The following POU6F2 variants were observed in gnomAD, a reference collection of about 807,000 sequenced individuals.
The protein encoded by POU6F2 is POU class 6 homeobox 2.
In POU6F2, 31 loss-of-function variants were observed where a neutral mutation model predicts 71.3. The observed-to-expected ratio is 0.43, with a 90% CI of 0.33 to 0.59. POU6F2 has a LOEUF of 0.59. POU6F2 is among the 20% of genes least tolerant of loss of function. The pLI is 0.04. For missense variants in POU6F2, 783 were observed against 856.8 expected, an observed-to-expected ratio of 0.91 and a Z score of 1.07; for synonymous variants, 347 against 355.7, an observed-to-expected ratio of 0.98 and a Z score of 0.27.
intron 2 of POU6F2, among the ~76,000 whole-genome samples, chr7:39,182,244 T>C (rs1017333924): frequency 6.6e-6 from 1 of 152,258 alleles, no homozygotes; most frequent in Admixed American, 6.5e-5. Flanking sequence ...CACTTCATTC[T>C]ATTATATATT....
At chr7:38,993,235 C>CTA (rs1788649047) in intron 1 of POU6F2, among the ~76,000 whole-genome samples, 2 of 151,566 alleles carry the variant, frequency 1.3e-5, no homozygotes, top group Non-Finnish European at 2.9e-5. Flanking sequence ...ACATATATTC[C>CTA]TATATATATT....
intron 4 of POU6F2, among the ~76,000 whole-genome samples, chr7:39,282,069 G>C (rs1172813130): frequency 6.6e-6 from 1 of 151,958 alleles, no homozygotes; most frequent in East Asian, 1.9e-4. Flanking sequence ...TTCATATACA[G>C]GTTGGCCATT....
chr7:39,379,127 G>A (rs1258587395), intron 5 of POU6F2, among the ~76,000 whole-genome samples: 1 of 152,166 alleles, frequency 6.6e-6, no homozygotes, highest in Non-Finnish European at 1.5e-5. Context: ...GAATCGGGTA[G>A]GAGGGCTCTG....
intron 2 of POU6F2, among the ~76,000 whole-genome samples, chr7:39,123,789 T>A (rs1410547340): frequency 2.0e-5 from 3 of 152,072 alleles, no homozygotes; most frequent in Non-Finnish European, 4.4e-5. Flanking sequence ...TTTTTTTTTT[T>A]ATTCTTTATT....
intron 6 of POU6F2, among the ~76,000 whole-genome samples, chr7:39,423,637 A>T (rs1466543286): frequency 6.6e-6 from 1 of 152,256 alleles, no homozygotes; most frequent in East Asian, 1.9e-4. Context: ...GTAATTATTA[A>T]TATTTGTACA....
At chr7:39,096,202 A>C (rs1791452047) in intron 2 of POU6F2, among the ~76,000 whole-genome samples, 1 of 152,160 alleles carries the variant, frequency 6.6e-6, no homozygotes, top group African/African-American at 2.4e-5. Flanking sequence ...ATGAGCTCTC[A>C]AAACCCATAA....
chr7:39,254,365 T>G (rs1425751792), intron 4 of POU6F2, among the ~76,000 whole-genome samples: 1 of 152,162 alleles, frequency 6.6e-6, no homozygotes, highest in African/African-American at 2.4e-5. Flanking sequence ...GAGTCAAGGT[T>G]TGTAGAATGG....
chr7:39,223,145 CATT>C (rs1794402200), intron 4 of POU6F2, among the ~76,000 whole-genome samples: 1 of 152,088 alleles, frequency 6.6e-6, no homozygotes, highest in African/African-American at 2.4e-5. Context: ...AGTGATATCT[CATT>C]ATGGTTGAAG....
chr7:39,418,746 A>G (rs892683512), intron 6 of POU6F2, among the ~76,000 whole-genome samples: 3 of 151,086 alleles, frequency 2.0e-5, no homozygotes, highest in African/African-American at 7.3e-5. Flanking sequence ...GCCATACAGT[A>G]AATGATAGAG....
intron 6 of POU6F2, among the ~76,000 whole-genome samples, chr7:39,415,624 A>G (rs1250982866): frequency 6.6e-6 from 1 of 152,220 alleles, no homozygotes; most frequent in African/African-American, 2.4e-5. Context: ...ACGAATGTTC[A>G]CATGACTTCT....
At chr7:39,243,765 T>G (rs958241010) in intron 4 of POU6F2, among the ~76,000 whole-genome samples, 11 of 152,018 alleles carry the variant, frequency 7.2e-5, no homozygotes, top group African/African-American at 2.4e-4. Flanking sequence ...AGGATAGTAC[T>G]CTAATCCCCA....
At position 39,437,458 on chromosome 7, in the gene POU6F2, A is replaced by G. The variant is rs549757515; in HGVS notation, c.1320+4175A>G. On this transcript the variant is annotated intron_variant, in intron 7 of 9. Coordinates refer to ENST00000518318, the MANE Select transcript of POU6F2 (RefSeq NM_001370959.1). ...TGGTAGTTTGTATTTCTGTGAGATC[A>G]GTGGTGATATCCCCTTTATCACTTT... Among the ~76,000 whole-genome samples the G allele has an allele frequency of 4.2e-4, 64 of 152,268 alleles. No individual in the cohort carries two copies. In the South Asian group the frequency reaches 0.011, roughly 26 times the overall value.
chr7:39,444,317 C>T (rs1562555204), intron 7 of POU6F2, among the ~76,000 whole-genome samples: 1 of 152,250 alleles, frequency 6.6e-6, no homozygotes, highest in African/African-American at 2.4e-5. Flanking sequence ...GGCGCAGTGG[C>T]TCGCGCCTAT....
At chr7:39,110,848 A>T (rs982989202) in intron 2 of POU6F2, among the ~76,000 whole-genome samples, 1 of 152,172 alleles carries the variant, frequency 6.6e-6, no homozygotes, top group Non-Finnish European at 1.5e-5. Flanking sequence ...AATGTTTGTC[A>T]ATGGAGTGAA....
chr7:39,368,213 T>G (rs1377741749), intron 5 of POU6F2, among the ~76,000 whole-genome samples: 4 of 152,152 alleles, frequency 2.6e-5, no homozygotes, highest in Non-Finnish European at 5.9e-5. Context: ...TTAGCCAAGT[T>G]GTGAATGCAA....
chr7:39,128,915 A>C (rs977693753), intron 2 of POU6F2, among the ~76,000 whole-genome samples: 1 of 152,224 alleles, frequency 6.6e-6, no homozygotes, highest in African/African-American at 2.4e-5. Context: ...AGACTCTAAG[A>C]ACAAATCTCT....
chr7:39,369,439 G>A (rs1460757874), intron 5 of POU6F2, among the ~76,000 whole-genome samples: 1 of 150,646 alleles, frequency 6.6e-6, no homozygotes, highest in Admixed American at 6.6e-5. Context: ...TCGGCTCACT[G>A]TAACCTCGCC....
intron 2 of POU6F2, among the ~76,000 whole-genome samples, chr7:39,098,165 T>C (rs1791492834): frequency 6.6e-6 from 1 of 152,096 alleles, no homozygotes; most frequent in African/African-American, 2.4e-5. Context: ...CTCCCAAAAT[T>C]CTTGTTTGTC....
chr7:39,241,394 T>C (rs11505525), intron 4 of POU6F2, among the ~76,000 whole-genome samples: 10,934 of 152,212 alleles, frequency 0.072, 715 homozygotes, highest in East Asian at 0.34. Flanking sequence ...GATGTTAAAA[T>C]GCCAAATGGA....
Sources: gnomAD v4.1 joint callset for allele counts (sites outside exome capture counted in the v4.1 genomes callset) on GRCh38, gnomAD v4.1.1 for gene constraint, MANE v1.5 for transcripts, NCBI Gene and HGNC (gene_info 2026-07-23, HGNC 2026-07-21) for gene names.